Variants in ZNF713 observed in about 807,000 individuals in gnomAD.
ZNF713 encodes zinc finger protein 713.
A neutral mutation model predicts 28.7 loss-of-function variants in ZNF713; 21 were observed. The observed-to-expected ratio is 0.73, with a 90% CI of 0.52 to 1.05. ZNF713 has a LOEUF of 1.05. Among genes scored for constraint, ZNF713 ranks in the 50% least tolerant of loss-of-function variants. The pLI, the probability that ZNF713 is intolerant of heterozygous loss-of-function variation, is 0.00. For synonymous variants in ZNF713, 167 were observed against 178.0 expected (o/e 0.94, Z 0.49); for missense variants, 458 against 532.4 (o/e 0.86, Z 1.37).
intron 1 of ZNF713, among the ~76,000 whole-genome samples, chr7:55,903,459 C>T (rs1449263393): frequency 1.3e-5 from 2 of 151,860 alleles, no homozygotes; most frequent in Admixed American, 1.3e-4. Flanking sequence ...CACTTGAGGT[C>T]AGGAGTTCAA....
intron 1 of ZNF713, among the ~76,000 whole-genome samples, chr7:55,893,576 G>A (rs931174244): frequency 2.0e-5 from 3 of 151,998 alleles, no homozygotes; most frequent in Admixed American, 2.0e-4. Flanking sequence ...CCTGTTTTTT[G>A]TTGTTTTGTT....
In ZNF713 at chr7:55,940,157, C is replaced by CGAG; in HGVS notation, c.*151_*152insGAG. 1 of 1,291,014 alleles carries CGAG rather than the reference C, an allele frequency of 7.7e-7. No homozygotes were observed. The highest frequency in any genetic ancestry group is 1.0e-6 in the Non-Finnish European group (1 of 980,438). The allele number at this position is 1,291,014 out of a possible 1,614,324, so 80.0% of individuals were successfully genotyped here. On this transcript the variant is annotated 3_prime_UTR_variant, in exon 7 of 7. Transcript: ENST00000429591. The stretch of plus-strand genomic sequence containing the variant: ...TTTGTTTTTGAGACTGAGTCTCACT[C>CGAG]TGTCACCCAGGCTGAAGTGCAGTGG...
intron 1 of ZNF713, among the ~76,000 whole-genome samples, chr7:55,891,892 G>GA (rs1478993394): frequency 2.0e-5 from 3 of 152,026 alleles, no homozygotes; most frequent in Non-Finnish European, 2.9e-5. Context: ...TTATTTAATA[G>GA]AAAAAAATTA....
At chr7:55,900,244 C>T (rs1309249604) in intron 1 of ZNF713, among the ~76,000 whole-genome samples, 1 of 151,990 alleles carries the variant, frequency 6.6e-6, no homozygotes, top group Non-Finnish European at 1.5e-5. Flanking sequence ...CCGAGGCAGG[C>T]GGATCACGAG....
At chr7:55,890,353 G>A (rs1014712216) in intron 1 of ZNF713, among the ~76,000 whole-genome samples, 21 of 151,584 alleles carry the variant, frequency 1.4e-4, no homozygotes, top group African/African-American at 5.1e-4. Context: ...GGGAAGCTGA[G>A]GCAGGAGAAT....
At chr7:55,901,858 A>G (rs906767370) in intron 1 of ZNF713, among the ~76,000 whole-genome samples, 6 of 152,268 alleles carry the variant, frequency 3.9e-5, no homozygotes, top group African/African-American at 1.4e-4. Flanking sequence ...ACTTACTAAC[A>G]TGACATGTAG....
Position 55,940,147 on chromosome 7 carries a change from G to C in ZNF713, c.*141G>C. 4.5e-6 allele frequency: 6 copies of C among 1,326,326 alleles called. No individual in the cohort carries two copies. The highest frequency in any genetic ancestry group is 5.9e-6 in the Non-Finnish European group (6 of 1,008,690). 82.2% of individuals were successfully genotyped at this position (1,326,326 alleles called of 1,614,324 possible). On this transcript the variant is annotated 3_prime_UTR_variant, in exon 7 of 7. Coordinates refer to ENST00000429591, the MANE Select transcript of ZNF713 (RefSeq NM_182633.3). ...TTTGTTTTGTTTTGTTTTTGAGACTGAGTCTCACTCTGTCACCCAGGCTGA... is the reference window on the plus strand; with the variant it reads ...TTTGTTTTGTTTTGTTTTTGAGACTCAGTCTCACTCTGTCACCCAGGCTGA...
chr7:55,938,960 G>A (rs376363041), intron 6 of ZNF713, 22 bp from the exon 7 acceptor site: 1 of 1,548,728 alleles, frequency 6.5e-7, no homozygotes, highest in African/African-American at 1.4e-5. Context: ...GAAAGTATTT[G>A]TATGTTCTGA....
intron 1 of ZNF713, among the ~76,000 whole-genome samples, chr7:55,896,618 CACAT>C (rs945728717): frequency 7.3e-5 from 11 of 150,932 alleles, no homozygotes; most frequent in African/African-American, 2.2e-4. Context: ...TATATACACA[CACAT>C]AAACACACAT....
chr7:55,916,911 A>G (rs974215738), intron 4 of ZNF713, among the ~76,000 whole-genome samples: 24 of 152,148 alleles, frequency 1.6e-4, no homozygotes, highest in African/African-American at 5.6e-4. Flanking sequence ...GATGGGTTCA[A>G]CTCATTAAAA....
At chr7:55,907,349 T>C (rs568282719) in intron 2 of ZNF713, among the ~76,000 whole-genome samples, 78 of 152,312 alleles carry the variant, frequency 5.1e-4, no homozygotes, top group Non-Finnish European at 2.4e-4. Context: ...CTGCCTTTCA[T>C]GTATTTAAAT....
intron 1 of ZNF713, among the ~76,000 whole-genome samples, chr7:55,905,635 T>C (rs1418705664): frequency 1.3e-5 from 2 of 152,142 alleles, no homozygotes; most frequent in African/African-American, 4.8e-5. Context: ...ATCACCCCAC[T>C]GCACCCATTG....
chr7:55,929,578 A>G (rs780046604), intron 6 of ZNF713, among the ~76,000 whole-genome samples: 1 of 152,150 alleles, frequency 6.6e-6, no homozygotes, highest in African/African-American at 2.4e-5. Flanking sequence ...TTTTACACGT[A>G]AAACATGAAA....
chr7:55,907,857 C>T (rs1321225047), intron 2 of ZNF713, among the ~76,000 whole-genome samples: 2 of 152,090 alleles, frequency 1.3e-5, no homozygotes, highest in African/African-American at 2.4e-5. Context: ...ATCGAATCAT[C>T]GGTTGATGGA....
At chr7:55,907,352 A>G (rs781565424) in intron 2 of ZNF713, among the ~76,000 whole-genome samples, 10 of 152,154 alleles carry the variant, frequency 6.6e-5, no homozygotes, top group Non-Finnish European at 1.0e-4. Flanking sequence ...CCTTTCATGT[A>G]TTTAAATATT....
chr7:55,889,515 A>G lies in ZNF713; in HGVS notation c.-583+1835A>G, dbSNP rs777535333. 5.9e-5 allele frequency among the ~76,000 whole-genome samples: 9 copies of G among 152,366 alleles called. 1 individual carries two copies. Among genetic ancestry groups the G allele is most frequent in the Admixed American group, 1.3e-4 (2 of 15,302 alleles). Reference sequence around the variant, plus strand: ...CACTTAGTAGGTTGTAGCAATTAGTACGTTCTAAATAGATAGTTATTCGGT... The same window carrying G: ...CACTTAGTAGGTTGTAGCAATTAGTGCGTTCTAAATAGATAGTTATTCGGT... On this transcript the variant is annotated intron_variant, in intron 1 of 6. Coordinates refer to ENST00000429591, the MANE Select transcript of ZNF713 (RefSeq NM_182633.3).
intron 1 of ZNF713, among the ~76,000 whole-genome samples, chr7:55,903,478 T>C (rs1220146756): frequency 2.6e-5 from 4 of 151,978 alleles, no homozygotes; most frequent in African/African-American, 9.7e-5. Flanking sequence ...AAGACCAGAC[T>C]GACCAATATG....
chr7:55,912,727 A>G lies in ZNF713; in HGVS notation c.87+4A>G, dbSNP rs767145299. The stretch of plus-strand genomic sequence containing the variant: ...CTCACAGATGGTGAGATCTCAGGTA[A>G]GTTCAGTTTTCCTCTCCTCTGAAAT... On this transcript the variant is annotated splice_donor_region_variant and intron_variant, in intron 4 of 6. Coordinates refer to ENST00000429591, the MANE Select transcript of ZNF713 (RefSeq NM_182633.3). The G allele has an allele frequency of 1.6e-5, 26 of 1,611,690 alleles. No individual in the cohort carries two copies. The highest frequency in any genetic ancestry group is 1.2e-4 in the Admixed American group (7 of 59,850).
chr7:55,917,580 C>T (rs1785908220), intron 4 of ZNF713, among the ~76,000 whole-genome samples: 1 of 151,846 alleles, frequency 6.6e-6, no homozygotes, highest in African/African-American at 2.4e-5. Context: ...TGGTGTGCAC[C>T]TGTAGTCCCA....
Sources: allele counts gnomAD v4.1 joint callset (sites outside exome capture counted in the v4.1 genomes callset), GRCh38; gene constraint gnomAD v4.1.1; transcripts MANE v1.5; gene names NCBI Gene and HGNC (gene_info 2026-07-23, HGNC 2026-07-21).